Variants in WDFY3 observed in about 807,000 individuals in gnomAD.
WDFY3 encodes WD repeat and FYVE domain-containing protein 3.
Under a neutral mutation model 409.6 loss-of-function variants are expected in WDFY3, and 66 were observed. That is an observed-to-expected ratio of 0.16 (90% confidence interval 0.13 to 0.20). The LOEUF is 0.20. Among genes scored for constraint, WDFY3 ranks in the 10% least tolerant of loss-of-function variants. WDFY3 has a pLI of 1.00. For synonymous variants in WDFY3, 1,521 were observed against 1,537.1 expected (o/e 0.99, Z 0.25); for missense variants, 3,031 against 4,298.1 (o/e 0.71, Z 8.24).
intron 5 of WDFY3, chr4:84,849,569 TAAAAA>T (rs5859953): frequency 4.5e-5 from 5 of 110,146 alleles, no homozygotes; most frequent in South Asian, 3.2e-4. Flanking sequence ...CAGGGTATGC[TAAAAA>T]AAAAAAAAAA....
In WDFY3 at chr4:84,796,641, G is replaced by A; in HGVS notation, c.3047C>T (p.Thr1016Ile). The A allele has an allele frequency of 1.2e-6, 2 of 1,614,126 alleles. No individual in the cohort carries two copies. Among genetic ancestry groups the A allele is most frequent in the Non-Finnish European group, 1.7e-6 (2 of 1,180,018 alleles). The change falls in exon 19 of 68, where the codon ACT becomes ATT. Residue 1016 changes from threonine (T) to isoleucine (I), a missense_variant. By Grantham distance (89) the Thr-to-Ile change is moderately conservative. Coordinates refer to ENST00000295888, the MANE Select transcript of WDFY3 (RefSeq NM_014991.6). ...ACACTTCACCCTGGTCAGGGGTACA[G>A]TACTTCCTTCCGCAGATTTTACCAG... ...KSLVKSAEGSTVPLTRVKCLV... is the reference protein window; with the variant it reads ...KSLVKSAEGSIVPLTRVKCLV...
chr4:84,852,861 G>A (rs1421397907), intron 4 of WDFY3, among the ~76,000 whole-genome samples: 1 of 151,896 alleles, frequency 6.6e-6, no homozygotes, highest in Non-Finnish European at 1.5e-5. Flanking sequence ...GAGCTCAGGT[G>A]ATTCTCCCAC....
intron 21 of WDFY3, among the ~76,000 whole-genome samples, chr4:84,793,230 T>C (rs1748815519): frequency 6.6e-6 from 1 of 152,210 alleles, no homozygotes; most frequent in African/African-American, 2.4e-5. Context: ...TGGAGTGCCA[T>C]GGCACCTTCA....
intron 2 of WDFY3, among the ~76,000 whole-genome samples, chr4:84,900,388 T>A (rs1230920540): frequency 6.6e-6 from 1 of 152,062 alleles, no homozygotes; most frequent in Non-Finnish European, 1.5e-5. Context: ...CACAACCAGC[T>A]AATTTTTAAA....
intron 48 of WDFY3, among the ~76,000 whole-genome samples, chr4:84,717,997 G>A (rs951559941): frequency 1.1e-4 from 15 of 141,042 alleles, no homozygotes; most frequent in African/African-American, 2.4e-4. Flanking sequence ...GCAGTGAGCC[G>A]AGATTGCGCC....
chr4:84,736,269 T>C lies in WDFY3; in HGVS notation c.6816A>G (p.Lys2272=). The change falls in exon 42 of 68, where the codon AAA becomes AAG. Residue 2272 remains lysine (K), a synonymous_variant. Coordinates refer to ENST00000295888, the MANE Select transcript of WDFY3 (RefSeq NM_014991.6). ...GEALAPTTQS[K]LSRVSSGFGL... ...CAAAGCCACTGCTGACACGGGATAA[T>C]TTGGACTGTGTGGTGGGCGCTAAAG... 6.2e-7 allele frequency: 1 copy of C among 1,613,446 alleles called. No individual in the cohort carries two copies.
rs1196803340 is a variant in WDFY3 at position 84,762,069 on chromosome 4, T to C, written c.5188+3741A>G. 2.0e-5 allele frequency among the ~76,000 whole-genome samples: 3 copies of C among 152,232 alleles called. No homozygotes were observed. The East Asian group carries it at 5.8e-4, about 29-fold the overall frequency. On this transcript the variant is annotated intron_variant, in intron 32 of 67. Transcript: ENST00000295888. ...AGTCAGTGTGGTGATTCCTCAGGGA[T>C]CTAGAACTAGAAATACCATTTGACC...
At chr4:84,680,033 G>A (rs2148760754) in intron 64 of WDFY3, among the ~76,000 whole-genome samples, 1 of 151,912 alleles carries the variant, frequency 6.6e-6, no homozygotes, top group East Asian at 2.0e-4. Context: ...TAGGACTACA[G>A]GCACCCACCA....
chr4:84,844,571 C>CA (rs1757826444), intron 5 of WDFY3: 1 of 1,239,038 alleles, frequency 8.1e-7, no homozygotes, highest in African/African-American at 1.5e-5. Flanking sequence ...CTAATCCCAC[C>CA]ACAAGAGTAC....
intron 7 of WDFY3, among the ~76,000 whole-genome samples, chr4:84,833,439 G>A (rs1186165002): frequency 6.6e-6 from 1 of 152,086 alleles, no homozygotes; most frequent in African/African-American, 2.4e-5. Flanking sequence ...ACTTTGGGAG[G>A]CCCAAGGTAG....
At chr4:84,948,935 C>G (rs1372095359) in intron 1 of WDFY3, among the ~76,000 whole-genome samples, 1 of 152,096 alleles carries the variant, frequency 6.6e-6, no homozygotes, top group African/African-American at 2.4e-5. Context: ...CACACACACC[C>G]TCCTATTTCA....
At chr4:84,836,557 C>T (rs1756600903) in intron 7 of WDFY3, among the ~76,000 whole-genome samples, 1 of 151,886 alleles carries the variant, frequency 6.6e-6, no homozygotes. Flanking sequence ...CTGGGGACTT[C>T]CTGTATATAA....
chr4:84,783,111 A>G (rs765280862), intron 24 of WDFY3, 37 bp from the exon 25 acceptor site: 11 of 1,565,250 alleles, frequency 7.0e-6, no homozygotes, highest in Admixed American at 6.8e-5. Context: ...TAATTATATA[A>G]GAACAGTTTC....
intron 24 of WDFY3, among the ~76,000 whole-genome samples, chr4:84,784,869 TATATATATATATATATATATATACAC>T (rs1747210229): frequency 1.6e-5 from 1 of 61,644 alleles, no homozygotes; most frequent in African/African-American, 6.0e-5. Context: ...TATATATATA[TATATATATATATATATATATATACAC>T]ACACACACAC....
At chr4:84,888,241 A>AT in intron 3 of WDFY3, among the ~76,000 whole-genome samples, 1 of 152,194 alleles carries the variant, frequency 6.6e-6, no homozygotes, top group East Asian at 1.9e-4. Flanking sequence ...GCAAATACGA[A>AT]TAAAAAACTA....
At chr4:84,899,610 T>G (rs909152909) in intron 2 of WDFY3, among the ~76,000 whole-genome samples, 1 of 152,198 alleles carries the variant, frequency 6.6e-6, no homozygotes, top group Admixed American at 6.5e-5. Flanking sequence ...CACATCCACA[T>G]TCATTTACTT....
intron 3 of WDFY3, among the ~76,000 whole-genome samples, chr4:84,861,548 T>C (rs987896582): frequency 6.6e-6 from 1 of 152,128 alleles, no homozygotes; most frequent in Non-Finnish European, 1.5e-5. Flanking sequence ...AAAACTACTT[T>C]CTAAAACTAT....
At chr4:84,791,367 C>T (rs903681335) in intron 21 of WDFY3, among the ~76,000 whole-genome samples, 4 of 152,082 alleles carry the variant, frequency 2.6e-5, no homozygotes, top group Non-Finnish European at 5.9e-5. Context: ...AGAGAAACAA[C>T]GAATGAAATG....
chr4:84,728,447 T>G (rs1250860954), intron 44 of WDFY3, among the ~76,000 whole-genome samples: 3 of 151,992 alleles, frequency 2.0e-5, no homozygotes, highest in African/African-American at 7.2e-5. Context: ...AGAGGATTAC[T>G]TGAGCCCAGG....
Sources: allele counts gnomAD v4.1 joint callset (sites outside exome capture counted in the v4.1 genomes callset), GRCh38; gene constraint gnomAD v4.1.1; transcripts MANE v1.5; gene names NCBI Gene and HGNC (gene_info 2026-07-23, HGNC 2026-07-21).